Variants in DSCAM observed in about 807,000 individuals in gnomAD.
DSCAM encodes DS cell adhesion molecule, also known as cell adhesion molecule DSCAM.
DSCAM carries 47 observed loss-of-function variants against 217.7 expected under a neutral mutation model. The ratio of observed to expected loss-of-function variants is 0.22; its 90% CI spans 0.17 to 0.28. The LOEUF is 0.28. DSCAM is among the 10% of genes least tolerant of loss of function. The pLI, the probability that DSCAM is intolerant of heterozygous loss-of-function variation, is 1.00. For synonymous variants in DSCAM, 1,056 were observed against 1,015.3 expected, an observed-to-expected ratio of 1.04 and a Z score of -0.76; for missense variants, 2,080 against 2,618.3, an observed-to-expected ratio of 0.79 and a Z score of 4.49.
At chr21:40,464,946 G>A (rs899152643) in intron 3 of DSCAM, among the ~76,000 whole-genome samples, 1 of 151,986 alleles carries the variant, frequency 6.6e-6, no homozygotes, top group Non-Finnish European at 1.5e-5. Context: ...TCACCACGTT[G>A]GCTAGGATGG....
At chr21:40,231,778 C>T (rs1443029626) in intron 11 of DSCAM, among the ~76,000 whole-genome samples, 1 of 152,190 alleles carries the variant, frequency 6.6e-6, no homozygotes, top group East Asian at 1.9e-4. Context: ...GCTGGGATTA[C>T]AGGAGTGAGC....
intron 1 of DSCAM, among the ~76,000 whole-genome samples, chr21:40,782,589 G>T (rs940079505): frequency 2.0e-5 from 3 of 152,072 alleles, no homozygotes; most frequent in Non-Finnish European, 4.4e-5. Flanking sequence ...ATTAGCCAGG[G>T]CATGGTGGCA....
At chr21:40,539,306 C>A (rs1177755900) in intron 3 of DSCAM, among the ~76,000 whole-genome samples, 1 of 151,238 alleles carries the variant, frequency 6.6e-6, no homozygotes, top group Non-Finnish European at 1.5e-5. Context: ...AGATTGAGAC[C>A]ATGGTGCAAC....
At chr21:40,583,718 C>T (rs2076922348) in intron 3 of DSCAM, among the ~76,000 whole-genome samples, 1 of 152,154 alleles carries the variant, frequency 6.6e-6, no homozygotes, top group Admixed American at 6.5e-5. Flanking sequence ...CCTTAATATA[C>T]ACTATGTCCA....
At chr21:40,022,343 G>T (rs77398633) in intron 32 of DSCAM, among the ~76,000 whole-genome samples, 1 of 152,160 alleles carries the variant, frequency 6.6e-6, no homozygotes, top group Admixed American at 6.5e-5. Context: ...CCCCTGCCAC[G>T]AAGAATGATC....
At chr21:40,453,289 G>C (rs1252287700) in intron 3 of DSCAM, among the ~76,000 whole-genome samples, 1 of 152,064 alleles carries the variant, frequency 6.6e-6, no homozygotes, top group African/African-American at 2.4e-5. Flanking sequence ...AGGATGGAGA[G>C]ATCTACTGAA....
intron 1 of DSCAM, among the ~76,000 whole-genome samples, chr21:40,846,083 T>C (rs2092142733): frequency 6.6e-6 from 1 of 152,038 alleles, no homozygotes; most frequent in Non-Finnish European, 1.5e-5. Context: ...GTGAGGAGCA[T>C]GAAGCAGCAC....
chr21:40,434,778 T>C (rs971171819), intron 3 of DSCAM, among the ~76,000 whole-genome samples: 4 of 152,166 alleles, frequency 2.6e-5, no homozygotes, highest in Admixed American at 1.3e-4. Flanking sequence ...CAATACAACA[T>C]GTGTCACAAA....
intron 3 of DSCAM, among the ~76,000 whole-genome samples, chr21:40,495,358 C>T (rs993375397): frequency 7.2e-5 from 11 of 152,084 alleles, no homozygotes; most frequent in Non-Finnish European, 1.6e-4. Context: ...ACGATTGGTC[C>T]CTAGAATGGA....
At chr21:40,798,736 G>C (rs997286191) in intron 1 of DSCAM, among the ~76,000 whole-genome samples, 1 of 152,022 alleles carries the variant, frequency 6.6e-6, no homozygotes, top group African/African-American at 2.4e-5. Flanking sequence ...TTTAATAAAA[G>C]ACATACCAGA....
intron 18 of DSCAM, among the ~76,000 whole-genome samples, chr21:40,135,575 G>A (rs1017895330): frequency 2.6e-5 from 4 of 152,210 alleles, no homozygotes; most frequent in South Asian, 2.1e-4. Context: ...CCCACGAGCC[G>A]TCGTGTCGGC....
intron 3 of DSCAM, among the ~76,000 whole-genome samples, chr21:40,595,430 A>G (rs1435613733): frequency 6.6e-6 from 1 of 152,086 alleles, no homozygotes. Flanking sequence ...AAGGGAAGGG[A>G]GAGAAGAGAA....
intron 27 of DSCAM, among the ~76,000 whole-genome samples, chr21:40,065,548 C>T (rs749284413): frequency 4.6e-5 from 7 of 152,284 alleles, no homozygotes; most frequent in South Asian, 2.1e-4. Flanking sequence ...CTTACACAGA[C>T]GTACACATAT....
chr21:40,675,074 G>A (rs901627063), intron 3 of DSCAM, among the ~76,000 whole-genome samples: 4 of 151,972 alleles, frequency 2.6e-5, no homozygotes, highest in Admixed American at 1.3e-4. Flanking sequence ...TCATTAAAAC[G>A]AATAATCCCA....
At chr21:40,197,619 C>G (rs1253992025) in intron 11 of DSCAM, among the ~76,000 whole-genome samples, 1 of 152,162 alleles carries the variant, frequency 6.6e-6, no homozygotes, top group Non-Finnish European at 1.5e-5. Context: ...TCTTTCCCAT[C>G]CCCTCTCTTC....
chr21:40,242,295 A>G (rs1371618711), intron 11 of DSCAM, among the ~76,000 whole-genome samples: 4 of 152,194 alleles, frequency 2.6e-5, no homozygotes, highest in Non-Finnish European at 4.4e-5. Flanking sequence ...GCTGTCTGTC[A>G]CATGTTTCCG....
At chr21:40,648,503 A>G (rs1335216201) in intron 3 of DSCAM, among the ~76,000 whole-genome samples, 1 of 152,110 alleles carries the variant, frequency 6.6e-6, no homozygotes. Flanking sequence ...AGACAGTTTA[A>G]AGCCTAGCTA....
chr21:40,601,142 G>C (rs1359719172), intron 3 of DSCAM, among the ~76,000 whole-genome samples: 1 of 152,128 alleles, frequency 6.6e-6, no homozygotes, highest in Non-Finnish European at 1.5e-5. Flanking sequence ...ACAAAATTGA[G>C]TCCTGTCCAT....
At chr21:40,224,793 C>T (rs574345346) in intron 11 of DSCAM, among the ~76,000 whole-genome samples, 1 of 152,258 alleles carries the variant, frequency 6.6e-6, no homozygotes, top group South Asian at 2.1e-4. Context: ...ATTGGGACAA[C>T]CATCTCTAAG....
Sources: allele counts gnomAD v4.1 joint callset (sites outside exome capture counted in the v4.1 genomes callset), GRCh38; gene constraint gnomAD v4.1.1; transcripts MANE v1.5; gene names NCBI Gene and HGNC (gene_info 2026-07-23, HGNC 2026-07-21).